The following CANX variants were observed in gnomAD, a reference collection of about 807,000 sequenced individuals.
CANX encodes the protein epididymis secretory sperm binding protein.
A neutral mutation model predicts 75.7 loss-of-function variants in CANX; 14 were observed. The ratio of observed to expected loss-of-function variants is 0.19; its 90% CI spans 0.12 to 0.29. CANX has a LOEUF of 0.29. CANX is among the 10% of genes least tolerant of loss of function. The pLI, the probability that CANX is intolerant of heterozygous loss-of-function variation, is 1.00. For synonymous variants in CANX, 227 were observed against 236.9 expected (o/e 0.96, Z 0.38); for missense variants, 567 against 713.2 (o/e 0.79, Z 2.34).
chr5:179,685,980 C>T (rs931878137), intron 1 of CANX, among the ~76,000 whole-genome samples: 2 of 152,202 alleles, frequency 1.3e-5, no homozygotes, highest in African/African-American at 2.4e-5. Flanking sequence ...CGTGAGTCAT[C>T]GTGCCCAGCC....
intron 13 of CANX, among the ~76,000 whole-genome samples, chr5:179,726,182 G>A (rs954718408): frequency 1.8e-4 from 27 of 152,068 alleles, no homozygotes; most frequent in Non-Finnish European, 2.9e-4. Flanking sequence ...CGGCTACTCC[G>A]GAGGCTGAGG....
intron 1 of CANX, among the ~76,000 whole-genome samples, chr5:179,679,958 C>CT (rs34916199): frequency 0.13 from 7,560 of 59,256 alleles, 1,417 homozygotes; most frequent in Non-Finnish European, 0.17. Flanking sequence ...TGCGCCTGGC[C>CT]TTTTTTTTTT....
intron 1 of CANX, among the ~76,000 whole-genome samples, chr5:179,685,273 G>T (rs1212732261): frequency 6.6e-6 from 1 of 151,384 alleles, no homozygotes; most frequent in Non-Finnish European, 1.5e-5. Context: ...TAATTTTTTT[G>T]TTTATTTGTG....
intron 4 of CANX, 104 bp from the exon 5 acceptor site, chr5:179,708,135 C>T (rs919767536): frequency 1.1e-5 from 10 of 912,734 alleles, no homozygotes; most frequent in Non-Finnish European, 1.6e-5. Context: ...ACCACGGCTG[C>T]CCCAGTATAA....
intron 1 of CANX, among the ~76,000 whole-genome samples, chr5:179,681,331 C>G (rs557484006): frequency 6.6e-6 from 1 of 152,286 alleles, no homozygotes; most frequent in South Asian, 2.1e-4. Flanking sequence ...ACAAGATAGT[C>G]TCTCAGGAAG....
chr5:179,680,964 G>C, intron 1 of CANX: 1 of 1,493,240 alleles, frequency 6.7e-7, no homozygotes, highest in Non-Finnish European at 9.0e-7. Flanking sequence ...ATGTTTCCCC[G>C]TTAGTCCTCA....
intron 1 of CANX, chr5:179,700,410 A>T (rs1261866821): frequency 6.6e-6 from 1 of 152,194 alleles, no homozygotes; most frequent in African/African-American, 2.4e-5. Flanking sequence ...TTTGAGGGTC[A>T]TGAATAGAAG....
Position 179,699,042 on chromosome 5 carries a change from G to C in CANX, c.-64G>C, listed in dbSNP as rs1352006271. The C allele has an allele frequency of 2.7e-6, 3 of 1,111,172 alleles. No homozygotes were observed. The African/African-American group carries it at 5.2e-5, about 19-fold the overall frequency. The allele number at this position is 1,111,172 out of a possible 1,614,324, so 68.8% of individuals were successfully genotyped here. ...TCCGCCTCTCTCTTTACTGCGGCGC[G>C]GGGCAAGGTGTGCGGGCGGGAAGGG... On this transcript the variant is annotated 5_prime_UTR_variant, in exon 1 of 15. Transcript: ENST00000247461.
rs1778958980 is a variant in CANX, at chr5:179,730,990, G to T, written c.*2346G>T. ...TGTGTGTGACTATGTTCAATTAGTG[G>T]GTTGATCTTCGTATAATTGGCCACT... On this transcript the variant is annotated 3_prime_UTR_variant, in exon 15 of 15. Transcript: ENST00000247461. 1 of 152,156 alleles carries T rather than the reference G, an allele frequency of 6.6e-6. No homozygotes were observed. Among genetic ancestry groups the T allele is most frequent in the African/African-American group, 2.4e-5 (1 of 41,446 alleles). The allele number at this position is 152,156 out of a possible 1,614,324, so 9.4% of individuals were successfully genotyped here.
At chr5:179,709,122 A>T in intron 6 of CANX, 63 bp downstream of exon 6, 1 of 1,040,050 alleles carries the variant, frequency 9.6e-7, no homozygotes, top group Admixed American at 1.7e-5. Context: ...AGAATTTTGT[A>T]ATTGGGCCGG....
intron 1 of CANX, among the ~76,000 whole-genome samples, chr5:179,689,299 C>G: frequency 6.7e-6 from 1 of 150,184 alleles, no homozygotes; most frequent in East Asian, 1.9e-4. Context: ...TCAGACCGAT[C>G]ATAGATGACC....
chr5:179,726,542 C>G (rs1020761875), intron 13 of CANX, 138 bp from the exon 14 acceptor site: 5 of 578,382 alleles, frequency 8.6e-6, no homozygotes, highest in Admixed American at 3.1e-5. Context: ...CGCCACTGCA[C>G]TCCAGCCTGG....
At chr5:179,726,847 G>T (rs1381907907) in intron 14 of CANX, 88 bp downstream of exon 14, 6 of 929,726 alleles carry the variant, frequency 6.5e-6, no homozygotes, top group Non-Finnish European at 8.5e-6. Context: ...GTTTACAGTG[G>T]CTTATGGCAG....
chr5:179,691,907 A>G (rs1165915516), intron 1 of CANX, among the ~76,000 whole-genome samples: 1 of 151,308 alleles, frequency 6.6e-6, no homozygotes, highest in African/African-American at 2.4e-5. Context: ...CCTCCCGAGT[A>G]GCTGGGACTA....
In CANX at chr5:179,683,151, C is replaced by T. The variant is rs567436366; in HGVS notation, c.-4+4374C>T. ...TTTATTTATTTATTTATTTTTGAGACGGAGTCTCGCTCTGTCGCACAGGCT... is the reference window on the plus strand; with the variant it reads ...TTTATTTATTTATTTATTTTTGAGATGGAGTCTCGCTCTGTCGCACAGGCT... On this transcript the variant is annotated intron_variant, in intron 1 of 14. Transcript: ENST00000681674. 7.9e-5 allele frequency among the ~76,000 whole-genome samples: 10 copies of T among 126,072 alleles called. No homozygotes were observed. In the East Asian group the frequency reaches 1.2e-3, roughly 15 times the overall value. 82.7% of individuals were successfully genotyped at this position (126,072 alleles called of 152,430 possible).
chr5:179,698,805 C>T (rs532636785), upstream of CANX: 2 of 675,104 alleles, frequency 3.0e-6, no homozygotes, highest in Non-Finnish European at 4.3e-6. Flanking sequence ...CGAAGAATAG[C>T]CGTAGGGGGC....
rs1445488293 is a variant in CANX at position 179,699,022 on chromosome 5, C to T, written c.-84C>T. ...CACGTGACGGTCGGGCCGCCTCCGC[C>T]TCTCTCTTTACTGCGGCGCGGGGCA... On this transcript the variant is annotated 5_prime_UTR_variant, in exon 1 of 15. Transcript: ENST00000247461. The T allele has an allele frequency of 4.5e-6, 5 of 1,121,258 alleles. No individual in the cohort carries two copies. In the South Asian group the frequency reaches 9.2e-5, roughly 21 times the overall value. The allele number at this position is 1,121,258 out of a possible 1,614,324, so 69.5% of individuals were successfully genotyped here.
At chr5:179,703,575 C>T (rs921384154) in intron 1 of CANX, among the ~76,000 whole-genome samples, 7 of 151,946 alleles carry the variant, frequency 4.6e-5, no homozygotes, top group Non-Finnish European at 1.0e-4. Context: ...GTATCTGGGA[C>T]AACAGGTGTG....
upstream of CANX, among the ~76,000 whole-genome samples, chr5:179,696,679 A>G (rs938234643): frequency 6.6e-6 from 1 of 152,226 alleles, no homozygotes; most frequent in Admixed American, 6.5e-5. Flanking sequence ...GGCCAAGCTT[A>G]CATGTATGAG....
Sources: allele counts gnomAD v4.1 joint callset (sites outside exome capture counted in the v4.1 genomes callset), GRCh38; gene constraint gnomAD v4.1.1; transcripts MANE v1.5; gene names NCBI Gene and HGNC (gene_info 2026-07-23, HGNC 2026-07-21).